NKAIN2: variants seen among roughly 807,000 people sequenced by gnomAD.
The protein encoded by NKAIN2 is sodium/potassium transporting ATPase interacting 2.
Under a neutral mutation model 32.6 loss-of-function variants are expected in NKAIN2, and 14 were observed. The ratio of observed to expected loss-of-function variants is 0.43; its 90% CI spans 0.28 to 0.67. The LOEUF (loss-of-function observed/expected upper bound fraction) is 0.67. NKAIN2 is among the 30% of genes least tolerant of loss of function. The pLI is 0.17. For missense variants in NKAIN2, 198 were observed against 258.3 expected (o/e 0.77, Z 1.60); for synonymous variants, 80 against 87.2 (o/e 0.92, Z 0.46).
At chr6:124,040,620 G>A (rs898725806) in intron 1 of NKAIN2, among the ~76,000 whole-genome samples, 1 of 151,880 alleles carries the variant, frequency 6.6e-6, no homozygotes, top group African/African-American at 2.4e-5. Context: ...ATCAAGTTAT[G>A]TGCTAAGCCT....
chr6:124,484,972 C>T (rs1777596119), intron 3 of NKAIN2, among the ~76,000 whole-genome samples: 1 of 152,132 alleles, frequency 6.6e-6, no homozygotes, highest in Non-Finnish European at 1.5e-5. Context: ...AGAGCCCCTT[C>T]TGAGTGAATA....
chr6:123,929,752 T>C lies in NKAIN2; in HGVS notation c.54+125498T>C, dbSNP rs751700856. Among the ~76,000 whole-genome samples the C allele has an allele frequency of 4.7e-4, 72 of 152,210 alleles. 1 individual carries two copies. Among genetic ancestry groups the C allele is most frequent in the Non-Finnish European group, 8.8e-4 (60 of 67,960 alleles). On this transcript the variant is annotated intron_variant, in intron 1 of 6. Coordinates refer to ENST00000368417, the MANE Select transcript of NKAIN2 (RefSeq NM_001040214.3). ...GTTTTACATTTCAGTATCCCTTATCTGAAATGCTGGGGACCAGAAGTATTT... is the reference window on the plus strand; with the variant it reads ...GTTTTACATTTCAGTATCCCTTATCCGAAATGCTGGGGACCAGAAGTATTT...
chr6:124,550,419 C>T (rs2114865530), intron 3 of NKAIN2, among the ~76,000 whole-genome samples: 1 of 151,418 alleles, frequency 6.6e-6, no homozygotes, highest in South Asian at 2.1e-4. Flanking sequence ...GTATACATTT[C>T]CTTACTTTCT....
At chr6:124,147,245 G>T (rs542410952) in intron 1 of NKAIN2, among the ~76,000 whole-genome samples, 1 of 152,274 alleles carries the variant, frequency 6.6e-6, no homozygotes, top group South Asian at 2.1e-4. Flanking sequence ...ACACTGGAAA[G>T]CGTGACATTC....
intron 1 of NKAIN2, among the ~76,000 whole-genome samples, chr6:123,938,396 T>A (rs1415580293): frequency 3.7e-5 from 2 of 54,186 alleles, no homozygotes; most frequent in African/African-American, 1.2e-4. Flanking sequence ...TTTGCAAGGG[T>A]TATATATATA....
chr6:124,679,279 G>A (rs950740618), intron 4 of NKAIN2, among the ~76,000 whole-genome samples: 1 of 152,158 alleles, frequency 6.6e-6, no homozygotes, highest in African/African-American at 2.4e-5. Context: ...TGATGCATAA[G>A]GGTGTGCTAG....
At chr6:124,536,656 T>G (rs1045166160) in intron 3 of NKAIN2, among the ~76,000 whole-genome samples, 11 of 152,182 alleles carry the variant, frequency 7.2e-5, no homozygotes, top group African/African-American at 2.4e-4. Flanking sequence ...GGGTGTTTCA[T>G]GCACTTCAAG....
intron 3 of NKAIN2, among the ~76,000 whole-genome samples, chr6:124,641,104 A>G (rs1783969846): frequency 6.6e-6 from 1 of 152,216 alleles, no homozygotes; most frequent in Admixed American, 6.5e-5. Flanking sequence ...TGCTATTCGT[A>G]CATATAAAGA....
At chr6:124,064,930 A>C (rs1449116712) in intron 1 of NKAIN2, among the ~76,000 whole-genome samples, 1 of 152,016 alleles carries the variant, frequency 6.6e-6, no homozygotes, top group African/African-American at 2.4e-5. Context: ...TTAGTTGTCT[A>C]TCTCTGGGCT....
At chr6:124,471,893 T>G (rs1420211898) in intron 3 of NKAIN2, among the ~76,000 whole-genome samples, 4 of 152,152 alleles carry the variant, frequency 2.6e-5, no homozygotes, top group Non-Finnish European at 1.5e-5. Flanking sequence ...ATTTACATTT[T>G]TGAGAATTTT....
At chr6:124,359,271 A>G (rs1430447514) in intron 3 of NKAIN2, among the ~76,000 whole-genome samples, 1 of 151,974 alleles carries the variant, frequency 6.6e-6, no homozygotes, top group African/African-American at 2.4e-5. Flanking sequence ...TTTTTGTTCC[A>G]TATGAACTTT....
chr6:124,145,395 TA>T (rs1345387877), intron 1 of NKAIN2, among the ~76,000 whole-genome samples: 1 of 152,212 alleles, frequency 6.6e-6, no homozygotes, highest in Non-Finnish European at 1.5e-5. Flanking sequence ...AATGGTTTAA[TA>T]AACTGTGGTA....
At chr6:124,119,776 G>A (rs917734211) in intron 1 of NKAIN2, among the ~76,000 whole-genome samples, 1 of 152,178 alleles carries the variant, frequency 6.6e-6, no homozygotes, top group Admixed American at 6.5e-5. Context: ...CCTCCAGTGT[G>A]CACAGCTGCT....
At chr6:124,306,237 T>A (rs908951062) in intron 2 of NKAIN2, among the ~76,000 whole-genome samples, 29 of 152,160 alleles carry the variant, frequency 1.9e-4, no homozygotes, top group Non-Finnish European at 2.6e-4. Context: ...AAAATAAATG[T>A]CTGCTCCATG....
At chr6:124,209,227 C>CT (rs1272993566) in intron 1 of NKAIN2, among the ~76,000 whole-genome samples, 1 of 151,730 alleles carries the variant, frequency 6.6e-6, no homozygotes, top group African/African-American at 2.4e-5. Flanking sequence ...TGATACGTAC[C>CT]TTTCTCTGCC....
chr6:124,095,497 G>A (rs1187825791), intron 1 of NKAIN2, among the ~76,000 whole-genome samples: 1 of 152,080 alleles, frequency 6.6e-6, no homozygotes, highest in African/African-American at 2.4e-5. Flanking sequence ...CCTTTCAAAA[G>A]TGTCTGTGTA....
chr6:123,879,329 AAAGGATATAGTTGATCCATAATGCAG>A (rs1330114271), intron 1 of NKAIN2, among the ~76,000 whole-genome samples: 1 of 152,232 alleles, frequency 6.6e-6, no homozygotes, highest in Non-Finnish European at 1.5e-5. Context: ...AGGTAAATCT[AAAGGATATAGTTGATCCATAATGCAG>A]AATTTCATAT....
At chr6:124,394,070 G>A (rs1250609838) in intron 3 of NKAIN2, among the ~76,000 whole-genome samples, 1 of 152,076 alleles carries the variant, frequency 6.6e-6, no homozygotes, top group Non-Finnish European at 1.5e-5. Flanking sequence ...CAGAGATCTG[G>A]ACATCTGTTC....
chr6:124,398,433 G>C (rs1050645418), intron 3 of NKAIN2, among the ~76,000 whole-genome samples: 5 of 152,040 alleles, frequency 3.3e-5, no homozygotes, highest in Non-Finnish European at 7.4e-5. Context: ...GAAGAAATCA[G>C]ACAAATTGAT....
Sources: gnomAD v4.1 joint callset for allele counts (sites outside exome capture counted in the v4.1 genomes callset) on GRCh38, gnomAD v4.1.1 for gene constraint, MANE v1.5 for transcripts, NCBI Gene and HGNC (gene_info 2026-07-23, HGNC 2026-07-21) for gene names.